Variants in U2AF1L4 observed in about 807,000 individuals in gnomAD.
The protein encoded by U2AF1L4 is U2 small nuclear RNA auxiliary factor 1 like 4, also known as splicing factor U2AF 26 kDa subunit.
Under a neutral mutation model 21.7 loss-of-function variants are expected in U2AF1L4, and 21 were observed. The observed-to-expected ratio is 0.97, with a 90% CI of 0.69 to 1.39. The LOEUF is 1.39. Ranked by LOEUF, U2AF1L4 falls within the 40% of genes most tolerant of loss-of-function variation. The pLI, the probability that U2AF1L4 is intolerant of heterozygous loss-of-function variation, is 0.00. For synonymous variants in U2AF1L4, 92 were observed against 89.7 expected (o/e 1.03, Z -0.15); for missense variants, 259 against 245.7 (o/e 1.05, Z -0.36).
rs369424295 is a variant in U2AF1L4 at position 35,745,347 on chromosome 19, C to T, written c.44+1G>A. ...AGTCCACTCCCAGCGCCCGTTCTCA[C>T]TTGTCCTTCTCAGTCCCGAATATCG... On this transcript the variant is annotated splice_donor_variant, in intron 1 of 5. Transcript: ENST00000378975. LOFTEE classifies it high-confidence loss of function. 1.6e-4 allele frequency: 258 copies of T among 1,613,396 alleles called. 3 individuals carry two copies. In the South Asian group the frequency reaches 2.8e-3, roughly 17 times the overall value.
At chr19:35,743,765 G>A (rs1167213355) in intron 5 of U2AF1L4, 44 bp downstream of exon 5, 4 of 1,523,940 alleles carry the variant, frequency 2.6e-6, no homozygotes, top group African/African-American at 1.4e-5. Context: ...AGGATATAGG[G>A]GCCTTAGGAC....
rs778146519 is a variant in U2AF1L4, at chr19:35,742,780, C to CCAGTATGGAACCTCG, written c.470_484dup (p.Thr161_Gly162insAlaArgPheHisThr). 5.6e-6 allele frequency: 9 copies of CCAGTATGGAACCTCG among 1,610,738 alleles called. No homozygotes were observed. In the Admixed American group the frequency reaches 1.3e-4, roughly 24 times the overall value. ...ATGGTTCCTCTCTCGGGGATGGTGG[C>CCAGTATGGAACCTCG]CAGTATGGAACCTCGGGGGTGACCT... On this transcript the variant is annotated inframe_insertion, in exon 6 of 6. Transcript: ENST00000378975.
intron 2 of U2AF1L4, 176 bp downstream of exon 2, chr19:35,744,949 C>G (rs557774769): frequency 4.5e-5 from 34 of 754,500 alleles, no homozygotes; most frequent in Middle Eastern, 3.9e-4. Context: ...ACCAAGTTCC[C>G]GGGAAAACGG....
chr19:35,743,983 G>A, intron 4 of U2AF1L4, 29 bp downstream of exon 4: 1 of 1,610,566 alleles, frequency 6.2e-7, no homozygotes, highest in Non-Finnish European at 8.5e-7. Flanking sequence ...GGGATTCCAA[G>A]TGCCCATCCC....
intron 2 of U2AF1L4, chr19:35,744,669 G>A (rs989406700): frequency 6.5e-7 from 1 of 1,536,120 alleles, no homozygotes; most frequent in African/African-American, 1.4e-5. Flanking sequence ...GTGGATTCCG[G>A]TACAGGTTGA....
Position 35,744,159 on chromosome 19 carries a change from C to T in U2AF1L4, c.232-14G>A, listed in dbSNP as rs1970439374. The T allele has an allele frequency of 1.6e-5, 26 of 1,612,620 alleles. No homozygotes were observed. The highest frequency in any genetic ancestry group is 2.0e-5 in the Non-Finnish European group (24 of 1,179,234). ...CTCCCTCCGGAACTGCAGGAAATGT[C>T]AGTCAGGGTCAGCAGGAGAACTCAG... is the stretch of plus-strand genomic sequence containing the variant. On this transcript the variant is annotated splice_polypyrimidine_tract_variant and intron_variant, in intron 3 of 5. Coordinates refer to ENST00000378975, the MANE Select transcript of U2AF1L4 (RefSeq NM_001040425.3).
intron 2 of U2AF1L4, chr19:35,744,683 G>C: frequency 6.5e-7 from 1 of 1,536,166 alleles, no homozygotes; most frequent in Non-Finnish European, 8.7e-7. Flanking sequence ...AGGTTGAGCA[G>C]CACTATGGTC....
In U2AF1L4 at chr19:35,742,665, T is replaced by C. The variant is rs1389628657; in HGVS notation, c.*54A>G. ...GAGTGAAGGGGGCTTTGAGGAGAGG[T>C]CCTGCCAGGAACATCTGTCCCTGTT... On this transcript the variant is annotated 3_prime_UTR_variant, in exon 6 of 6. Transcript: ENST00000378975. 5 of 1,612,286 alleles carry C rather than the reference T, an allele frequency of 3.1e-6. No homozygotes were observed. The South Asian group carries it at 4.4e-5, about 14-fold the overall frequency.
chr19:35,743,674 G>A (rs1450589815), intron 5 of U2AF1L4, 135 bp downstream of exon 5: 5 of 811,622 alleles, frequency 6.2e-6, no homozygotes, highest in East Asian at 2.7e-5. Context: ...GCAACAGAGT[G>A]AGGCTCCATC....
At chr19:35,744,637 T>G (rs1235701607) in intron 2 of U2AF1L4, 2 of 1,536,504 alleles carry the variant, frequency 1.3e-6, no homozygotes, top group East Asian at 4.9e-5. Context: ...GTGTGATCCG[T>G]CTGCAGTTTG....
At chr19:35,745,044 A>AGGCGGGACATGGTGAC (rs1970504125) in intron 2 of U2AF1L4, 81 bp downstream of exon 2, 1 of 1,401,180 alleles carries the variant, frequency 7.1e-7, no homozygotes, top group Non-Finnish European at 9.9e-7. Context: ...AACCCGGAAT[A>AGGCGGGACATGGTGAC]GGCGGGACAT....
chr19:35,742,639 A>C lies in U2AF1L4; in HGVS notation c.*80T>G. The C allele has an allele frequency of 6.2e-7, 1 of 1,613,718 alleles. No individual in the cohort carries two copies. ...GGGAGCCTGGGAAGGATGGGGCAGG[A>C]GAGTGAAGGGGGCTTTGAGGAGAGG... is the stretch of plus-strand genomic sequence containing the variant. On this transcript the variant is annotated 3_prime_UTR_variant, in exon 6 of 6. Transcript: ENST00000378975.
chr19:35,744,505 C>T, intron 2 of U2AF1L4, 84 bp from the exon 3 acceptor site: 1 of 1,609,082 alleles, frequency 6.2e-7, no homozygotes, highest in Non-Finnish European at 8.5e-7. Context: ...AAGAAGCTAT[C>T]ATAGTGCTCC....
At chr19:35,745,012 G>T (rs988288905) in intron 2 of U2AF1L4, 113 bp downstream of exon 2, 4 of 1,061,202 alleles carry the variant, frequency 3.8e-6, no homozygotes, top group Non-Finnish European at 5.4e-6. Context: ...AAAAAAAGCC[G>T]GGCGGTGGGG....
At position 35,742,555 on chromosome 19, in the gene U2AF1L4, A is replaced by T; in HGVS notation, c.*164T>A. On this transcript the variant is annotated 3_prime_UTR_variant, in exon 6 of 6. Transcript: ENST00000378975. ...ATGCCGAAGTGAAACACGCAGCTTT[A>T]TTAAGACAGGGGCGGTAGAAGAAGG... 6.2e-7 allele frequency: 1 copy of T among 1,613,374 alleles called. No homozygotes were observed. The highest frequency in any genetic ancestry group is 8.5e-7 in the Non-Finnish European group (1 of 1,179,888).
intron 5 of U2AF1L4, 32 bp downstream of exon 5, chr19:35,743,777 T>G (rs778117950): frequency 1.3e-6 from 2 of 1,582,160 alleles, no homozygotes; most frequent in Non-Finnish European, 1.7e-6. Flanking sequence ...CCTTAGGACA[T>G]GAGGAGACAT....
At chr19:35,742,992 C>G in intron 5 of U2AF1L4, 189 bp from the exon 6 acceptor site, 1 of 641,540 alleles carries the variant, frequency 1.6e-6, no homozygotes, top group Non-Finnish European at 2.7e-6. Flanking sequence ...CCAGGCTGGT[C>G]GTGGATTAGG....
rs775299740 is a variant in U2AF1L4, at chr19:35,745,333, A to G, written c.44+15T>C. ...CCCGACCCCCCGAGAGTCCACTCCCAGCGCCCGTTCTCACTTGTCCTTCTC... is the reference window on the plus strand; with the variant it reads ...CCCGACCCCCCGAGAGTCCACTCCCGGCGCCCGTTCTCACTTGTCCTTCTC... On this transcript the variant is annotated intron_variant, in intron 1 of 5. Coordinates refer to ENST00000378975, the MANE Select transcript of U2AF1L4 (RefSeq NM_001040425.3). The G allele has an allele frequency of 5.9e-6, 9 of 1,518,638 alleles. No individual in the cohort carries two copies. Among genetic ancestry groups the G allele is most frequent in the Non-Finnish European group, 8.2e-6 (9 of 1,103,568 alleles). The allele number at this position is 1,518,638 out of a possible 1,614,324, so 94.1% of individuals were successfully genotyped here.
chr19:35,744,251 G>A (rs569684224), intron 3 of U2AF1L4, 72 bp downstream of exon 3: 8 of 1,607,582 alleles, frequency 5.0e-6, no homozygotes, highest in South Asian at 2.2e-5. Context: ...TTCAAGCTGA[G>A]AGCCTACAGT....
Sources: gnomAD v4.1 joint callset for allele counts on GRCh38, gnomAD v4.1.1 for gene constraint, MANE v1.5 for transcripts, NCBI Gene and HGNC (gene_info 2026-07-23, HGNC 2026-07-21) for gene names.